Variants in CYYR1 observed in about 807,000 individuals in gnomAD.
The protein encoded by CYYR1 is cysteine and tyrosine-rich protein 1.
Under a neutral mutation model 15.2 loss-of-function variants are expected in CYYR1, and 14 were observed. The observed-to-expected ratio is 0.92, with a 90% CI of 0.61 to 1.44. CYYR1 has a LOEUF of 1.44. Ranked by LOEUF, CYYR1 falls within the 40% of genes most tolerant of loss-of-function variation. CYYR1 has a pLI of 0.00. For missense variants in CYYR1, 228 were observed against 209.5 expected (o/e 1.09, Z -0.54); for synonymous variants, 80 against 77.4 (o/e 1.03, Z -0.18).
At chr21:26,566,074 A>AGTT (rs1980591953) in intron 2 of CYYR1, among the ~76,000 whole-genome samples, 192 bp downstream of exon 2, 1 of 152,210 alleles carries the variant, frequency 6.6e-6, no homozygotes, top group African/African-American at 2.4e-5. Context: ...TTTGTATATT[A>AGTT]TTTTGCATAT....
chr21:26,560,852 ATGGCTATATCCTC>A (rs151238363), intron 2 of CYYR1, among the ~76,000 whole-genome samples: 2,308 of 152,278 alleles, frequency 0.015, 68 homozygotes, highest in African/African-American at 0.053. Context: ...TGTTTGATTC[ATGGCTATATCCTC>A]CGGCACCTGA....
rs114708814 is a variant in CYYR1 at position 26,546,884 on chromosome 21, T to A, written c.176+19382A>T. Among the ~76,000 whole-genome samples, 990 of 152,218 alleles carry A rather than the reference T, an allele frequency of 6.5e-3. 10 individuals carry two copies. Among genetic ancestry groups the A allele is most frequent in the African/African-American group, 0.023 (938 of 41,542 alleles). ...CCCAGCTCAGGGAGGAAGTTCATTGTGGCTCGACGCTGCTTCAGAGGACAT... is the reference window on the plus strand; with the variant it reads ...CCCAGCTCAGGGAGGAAGTTCATTGAGGCTCGACGCTGCTTCAGAGGACAT... On this transcript the variant is annotated intron_variant, in intron 2 of 3. Transcript: ENST00000652641.
intron 2 of CYYR1, among the ~76,000 whole-genome samples, chr21:26,555,550 T>G (rs1979713438): frequency 6.6e-6 from 1 of 152,206 alleles, no homozygotes; most frequent in African/African-American, 2.4e-5. Context: ...CATAAATTGT[T>G]TTTTATTACT....
chr21:26,572,873 T>A lies in CYYR1; in HGVS notation c.68A>T (p.Tyr23Phe). ...CGCCGCCCTCCGTCACTGACCTGCG[T>A]AGACAAAGAGCAGGACCAACTTCGG... ...LLPKLVLLFV[Y>F]ADDCLAQCGK... The change falls in exon 1 of 4, where the codon TAC becomes TTC. Residue 23 changes from tyrosine (Y) to phenylalanine (F), a missense_variant. By Grantham distance (22) the Tyr-to-Phe change is conservative. Coordinates refer to ENST00000652641, the MANE Select transcript of CYYR1 (RefSeq NM_001320768.2). 7 of 1,613,834 alleles carry A rather than the reference T, an allele frequency of 4.3e-6. No homozygotes were observed. The highest frequency in any genetic ancestry group is 5.9e-6 in the Non-Finnish European group (7 of 1,179,928).
chr21:26,477,554 C>T (rs1351780066), intron 3 of CYYR1: 1 of 315,786 alleles, frequency 3.2e-6, no homozygotes, highest in Non-Finnish European at 4.6e-6. Context: ...CCCAAGAAAA[C>T]ATGTGACCTT....
intron 3 of CYYR1, among the ~76,000 whole-genome samples, chr21:26,474,413 T>C (rs2065076072): frequency 6.6e-6 from 1 of 150,822 alleles, no homozygotes; most frequent in Non-Finnish European, 1.5e-5. Flanking sequence ...CGTGCCTTTT[T>C]TTTTTTTTTT....
intron 2 of CYYR1, among the ~76,000 whole-genome samples, chr21:26,560,372 G>A (rs1313326438): frequency 6.6e-6 from 1 of 152,080 alleles, no homozygotes; most frequent in Non-Finnish European, 1.5e-5. Flanking sequence ...ATTTGTAAAT[G>A]AGAGCAATTT....
At chr21:26,568,605 A>G (rs1246413882) in intron 1 of CYYR1, 1 of 152,224 alleles carries the variant, frequency 6.6e-6, no homozygotes, top group African/African-American at 2.4e-5. Flanking sequence ...AGCAATTGAC[A>G]AGCGGGATTT....
chr21:26,564,418 T>C (rs1482163794), intron 2 of CYYR1, among the ~76,000 whole-genome samples: 1 of 152,150 alleles, frequency 6.6e-6, no homozygotes, highest in East Asian at 1.9e-4. Flanking sequence ...TCTGTGTTTA[T>C]TTTCCCTTCT....
chr21:26,545,385 A>T (rs1978888629), intron 2 of CYYR1, among the ~76,000 whole-genome samples: 1 of 151,978 alleles, frequency 6.6e-6, no homozygotes, highest in South Asian at 2.1e-4. Context: ...CTGACCATCC[A>T]GTGGGAAGCA....
chr21:26,562,805 C>A (rs1601835721), intron 2 of CYYR1, among the ~76,000 whole-genome samples: 1 of 150,582 alleles, frequency 6.6e-6, no homozygotes, highest in Non-Finnish European at 1.5e-5. Context: ...CACAAACACA[C>A]ACACACACAC....
chr21:26,494,308 C>T (rs1338371924), intron 2 of CYYR1, among the ~76,000 whole-genome samples: 1 of 152,196 alleles, frequency 6.6e-6, no homozygotes, highest in Non-Finnish European at 1.5e-5. Context: ...TGAATATTGA[C>T]TAGCTGTAAT....
At chr21:26,480,872 C>A (rs2065171234) in intron 2 of CYYR1, among the ~76,000 whole-genome samples, 2 of 152,126 alleles carry the variant, frequency 1.3e-5, no homozygotes, top group African/African-American at 4.8e-5. Flanking sequence ...AAATTTAACA[C>A]TCATTCCTGA....
intron 2 of CYYR1, among the ~76,000 whole-genome samples, chr21:26,495,577 T>C (rs2065388354): frequency 6.6e-6 from 1 of 152,140 alleles, no homozygotes; most frequent in East Asian, 1.9e-4. Flanking sequence ...ACTTCACCCC[T>C]TGTGCTCCTG....
At chr21:26,520,333 G>A (rs2065788809) in intron 2 of CYYR1, among the ~76,000 whole-genome samples, 1 of 151,134 alleles carries the variant, frequency 6.6e-6, no homozygotes, top group African/African-American at 2.4e-5. Context: ...TGTGTTGTTT[G>A]GTTTTCTGTT....
intron 2 of CYYR1, among the ~76,000 whole-genome samples, chr21:26,562,519 C>G (rs1408378736): frequency 6.6e-6 from 1 of 152,080 alleles, no homozygotes; most frequent in Admixed American, 6.6e-5. Context: ...TACATATATT[C>G]AAAGGTTACT....
intron 2 of CYYR1, among the ~76,000 whole-genome samples, chr21:26,509,988 A>G (rs1330567443): frequency 6.6e-6 from 1 of 152,214 alleles, no homozygotes; most frequent in African/African-American, 2.4e-5. Context: ...GATGCAATGT[A>G]GGGAGCACAG....
At chr21:26,520,115 T>TAG (rs2065784414) in intron 2 of CYYR1, among the ~76,000 whole-genome samples, 2 of 40,484 alleles carry the variant, frequency 4.9e-5, no homozygotes, top group Non-Finnish European at 1.0e-4. Flanking sequence ...ACCCAGGAGA[T>TAG]ATATATATAT....
chr21:26,470,066 C>A (rs932679054), intron 3 of CYYR1, among the ~76,000 whole-genome samples: 3 of 152,058 alleles, frequency 2.0e-5, no homozygotes, highest in Non-Finnish European at 4.4e-5. Flanking sequence ...GTGAATGTAA[C>A]CCAAATCACA....
Sources: gnomAD v4.1 joint callset for allele counts (sites outside exome capture counted in the v4.1 genomes callset) on GRCh38, gnomAD v4.1.1 for gene constraint, MANE v1.5 for transcripts, NCBI Gene and HGNC (gene_info 2026-07-23, HGNC 2026-07-21) for gene names.